Variants in MGAT5 observed in about 807,000 individuals in gnomAD.
MGAT5 encodes alpha-1,6-mannosylglycoprotein 6-beta-N-acetylglucosaminyltransferase, also known as alpha-1,6-mannosylglycoprotein 6-beta-N-acetylglucosaminyltransferase A.
Under a neutral mutation model 94.3 loss-of-function variants are expected in MGAT5, and 30 were observed. The observed-to-expected ratio is 0.32, with a 90% CI of 0.24 to 0.43. The LOEUF is 0.43. MGAT5 is among the 20% of genes least tolerant of loss of function. MGAT5 has a pLI of 1.00. For missense variants in MGAT5, 691 were observed against 905.5 expected (o/e 0.76, Z 3.04); for synonymous variants, 310 against 322.9 (o/e 0.96, Z 0.43).
At chr2:134,413,125 G>A (rs889994105) in intron 12 of MGAT5, 110 bp downstream of exon 12, 7 of 1,265,578 alleles carry the variant, frequency 5.5e-6, no homozygotes, top group Admixed American at 4.2e-5. Context: ...GGAGGGTGAG[G>A]GTATAGAGGC....
chr2:134,225,867 G>T (rs2105372258), intron 1 of MGAT5, among the ~76,000 whole-genome samples: 1 of 152,366 alleles, frequency 6.6e-6, no homozygotes. Context: ...GTCACTAACA[G>T]TGTACTAGGA....
At chr2:134,297,659 A>C (rs113557384) in intron 2 of MGAT5, among the ~76,000 whole-genome samples, 83 of 152,312 alleles carry the variant, frequency 5.4e-4, no homozygotes, top group Admixed American at 1.2e-3. Context: ...ATAAGCAGAA[A>C]AGCATTTGAG....
At chr2:134,313,037 AACACACACACACACAC>A (rs201311442) in intron 2 of MGAT5, among the ~76,000 whole-genome samples, 64,488 of 139,088 alleles carry the variant, frequency 0.46, 16,810 homozygotes, top group Non-Finnish European at 0.59. Flanking sequence ...GCAAGAAATA[AACACACACACACACAC>A]ACACACACAC....
chr2:134,425,785 G>A (rs940580358), intron 13 of MGAT5, among the ~76,000 whole-genome samples: 1 of 152,106 alleles, frequency 6.6e-6, no homozygotes, highest in Non-Finnish European at 1.5e-5. Flanking sequence ...GGGAGGCCAA[G>A]AAGAGAAAAT....
chr2:134,156,873 C>T (rs966802659), intron 1 of MGAT5, among the ~76,000 whole-genome samples: 32 of 152,140 alleles, frequency 2.1e-4, no homozygotes, highest in Admixed American at 1.7e-3. Context: ...GCAACTGGGA[C>T]GTTGGACTCG....
chr2:134,172,090 TTTTAC>T (rs1688237633), intron 1 of MGAT5, among the ~76,000 whole-genome samples: 1 of 152,178 alleles, frequency 6.6e-6, no homozygotes, highest in Non-Finnish European at 1.5e-5. Flanking sequence ...GAAGGCTATT[TTTTAC>T]TTCATTCAAT....
intron 11 of MGAT5, among the ~76,000 whole-genome samples, chr2:134,405,388 A>G (rs931856830): frequency 6.6e-6 from 1 of 152,202 alleles, no homozygotes; most frequent in African/African-American, 2.4e-5. Context: ...CATGGCTCAG[A>G]CATTTGGCAA....
chr2:134,253,154 C>T (rs1682720021), upstream of MGAT5: 1 of 152,200 alleles, frequency 6.6e-6, no homozygotes, highest in African/African-American at 2.4e-5. Context: ...AAGCTAATTG[C>T]TTCAAGATCC....
intron 15 of MGAT5, among the ~76,000 whole-genome samples, chr2:134,444,726 A>G (rs1453611994): frequency 6.6e-6 from 1 of 152,010 alleles, no homozygotes; most frequent in Non-Finnish European, 1.5e-5. Context: ...ACCTGTCCTC[A>G]CTCTATAGTA....
chr2:134,185,507 G>A (rs10201818), intron 1 of MGAT5, among the ~76,000 whole-genome samples: 40,013 of 152,040 alleles, frequency 0.26, 7,029 homozygotes, highest in African/African-American at 0.49. Flanking sequence ...CTTTAAAGGA[G>A]CTAATTGCCA....
intron 10 of MGAT5, among the ~76,000 whole-genome samples, chr2:134,381,382 T>TAAGATAAGATAAGATAAGA (rs1553457734): frequency 9.2e-6 from 1 of 108,510 alleles, no homozygotes; most frequent in Non-Finnish European, 2.0e-5. Flanking sequence ...ATAAGATAGA[T>TAAGATAAGATAAGATAAGA]TAGATAGATA....
intron 13 of MGAT5, among the ~76,000 whole-genome samples, chr2:134,423,840 A>G (rs1684434389): frequency 2.0e-5 from 3 of 152,180 alleles, no homozygotes; most frequent in Non-Finnish European, 2.9e-5. Flanking sequence ...TTTAGTGTTT[A>G]GTCAATATTA....
chr2:134,274,936 C>T (rs1442645312), intron 2 of MGAT5, among the ~76,000 whole-genome samples: 2 of 152,184 alleles, frequency 1.3e-5, no homozygotes, highest in Non-Finnish European at 2.9e-5. Context: ...TATTATTATT[C>T]TTACCATTTG....
At chr2:134,279,794 A>G (rs992454112) in intron 2 of MGAT5, among the ~76,000 whole-genome samples, 2 of 152,218 alleles carry the variant, frequency 1.3e-5, no homozygotes, top group Non-Finnish European at 2.9e-5. Context: ...ATCAGCTTAC[A>G]TATGGTATTG....
At chr2:134,169,324 G>T (rs1349524115) in intron 1 of MGAT5, among the ~76,000 whole-genome samples, 1 of 151,896 alleles carries the variant, frequency 6.6e-6, no homozygotes, top group Non-Finnish European at 1.5e-5. Flanking sequence ...AGGCTCACTT[G>T]AGCTTAGGGG....
At chr2:134,440,786 TCTTACGATTTTCA>T (rs1685444689) in intron 14 of MGAT5, among the ~76,000 whole-genome samples, 1 of 152,154 alleles carries the variant, frequency 6.6e-6, no homozygotes, top group South Asian at 2.1e-4. Context: ...AGGAGGCACT[TCTTACGATTTTCA>T]CTTCGCAAAT....
intron 1 of MGAT5, among the ~76,000 whole-genome samples, chr2:134,161,629 T>C (rs1687738863): frequency 6.6e-6 from 1 of 152,206 alleles, no homozygotes; most frequent in Admixed American, 6.5e-5. Context: ...ATAGAGTTTA[T>C]TTTTCCTTCT....
chr2:134,149,676 A>G (rs1200108916), intron 1 of MGAT5, among the ~76,000 whole-genome samples: 4 of 152,278 alleles, frequency 2.6e-5, no homozygotes, highest in Non-Finnish European at 5.9e-5. Flanking sequence ...TTACATTGAA[A>G]ATGAGAGTTG....
chr2:134,380,300 T>C (rs1252560742), intron 10 of MGAT5, among the ~76,000 whole-genome samples: 2 of 152,222 alleles, frequency 1.3e-5, no homozygotes, highest in African/African-American at 4.8e-5. Flanking sequence ...TTCTGGAGCA[T>C]AGTAAATATT....
Sources: allele counts gnomAD v4.1 joint callset (sites outside exome capture counted in the v4.1 genomes callset), GRCh38; gene constraint gnomAD v4.1.1; transcripts MANE v1.5; gene names NCBI Gene and HGNC (gene_info 2026-07-23, HGNC 2026-07-21).